Variants in RALYL observed in about 807,000 individuals in gnomAD.
RALYL encodes the protein RALY RNA binding protein like.
Under a neutral mutation model 35.1 loss-of-function variants are expected in RALYL, and 29 were observed. That is an observed-to-expected ratio of 0.83 (90% CI 0.61 to 1.13). RALYL has a LOEUF of 1.13. RALYL is among the 50% of genes most tolerant of loss of function. The pLI, the probability that RALYL is intolerant of heterozygous loss-of-function variation, is 0.00. For missense variants in RALYL, 359 were observed against 360.4 expected (o/e 1.00, Z 0.03); for synonymous variants, 120 against 127.6 (o/e 0.94, Z 0.40).
chr8:84,571,786 T>C (rs572847459), intron 2 of RALYL, among the ~76,000 whole-genome samples: 2 of 151,906 alleles, frequency 1.3e-5, no homozygotes, highest in East Asian at 3.9e-4. Context: ...TTTGTTTTAT[T>C]CCAGAGGTTT....
chr8:84,600,308 G>C (rs755686555), intron 2 of RALYL, among the ~76,000 whole-genome samples: 5 of 151,820 alleles, frequency 3.3e-5, no homozygotes, highest in Non-Finnish European at 1.5e-5. Context: ...CTCTCCAAGG[G>C]CTAAGGTGAA....
At chr8:84,824,008 G>A (rs1483883435) in intron 4 of RALYL, among the ~76,000 whole-genome samples, 1 of 152,044 alleles carries the variant, frequency 6.6e-6, no homozygotes, top group Non-Finnish European at 1.5e-5. Context: ...AGAAATGCTA[G>A]CCAGAGCAAT....
intron 1 of RALYL, among the ~76,000 whole-genome samples, chr8:84,261,774 T>C (rs991872782): frequency 2.6e-5 from 4 of 152,170 alleles, no homozygotes; most frequent in Non-Finnish European, 4.4e-5. Flanking sequence ...GCAAATTTTA[T>C]TTTTAATATG....
chr8:84,900,071 T>A (rs1381795109), intron 8 of RALYL, among the ~76,000 whole-genome samples: 1 of 152,192 alleles, frequency 6.6e-6, no homozygotes, highest in Non-Finnish European at 1.5e-5. Context: ...AGATACACAA[T>A]TTTCAAACAG....
intron 1 of RALYL, among the ~76,000 whole-genome samples, chr8:84,315,721 C>G (rs185818671): frequency 6.3e-4 from 95 of 151,718 alleles, no homozygotes; most frequent in African/African-American, 2.1e-3. Flanking sequence ...AAGCATGTAG[C>G]CCAAGTGCAT....
chr8:84,234,788 G>A (rs1346721588), intron 1 of RALYL, among the ~76,000 whole-genome samples: 1 of 146,808 alleles, frequency 6.8e-6, no homozygotes, highest in African/African-American at 2.5e-5. Context: ...TTTTTGAGAT[G>A]GAGTCTCGCT....
intron 3 of RALYL, among the ~76,000 whole-genome samples, chr8:84,777,804 G>C (rs148271159): frequency 6.6e-6 from 1 of 152,008 alleles, no homozygotes; most frequent in Non-Finnish European, 1.5e-5. Flanking sequence ...ACCACACCTG[G>C]CTAATTTTTT....
intron 1 of RALYL, among the ~76,000 whole-genome samples, chr8:84,418,158 C>A (rs1295660265): frequency 6.6e-6 from 1 of 152,120 alleles, no homozygotes; most frequent in African/African-American, 2.4e-5. Context: ...CATAGGGCAT[C>A]CTCAAACAGC....
chr8:84,715,240 A>T (rs912852103), intron 2 of RALYL, among the ~76,000 whole-genome samples: 1 of 151,910 alleles, frequency 6.6e-6, no homozygotes, highest in African/African-American at 2.4e-5. Flanking sequence ...GCACTGTTTT[A>T]AGCATTTTGT....
intron 2 of RALYL, among the ~76,000 whole-genome samples, chr8:84,569,720 G>A (rs1343927231): frequency 6.6e-6 from 1 of 151,796 alleles, no homozygotes; most frequent in African/African-American, 2.4e-5. Context: ...ATAGTTTTAG[G>A]TCATACATTT....
intron 2 of RALYL, among the ~76,000 whole-genome samples, chr8:84,568,683 C>T (rs1331767639): frequency 1.6e-4 from 21 of 133,432 alleles, no homozygotes; most frequent in African/African-American, 5.7e-4. Flanking sequence ...TAAAAGTGTT[C>T]CTATTTCTCC....
At chr8:84,749,768 A>G (rs1360311593) in intron 2 of RALYL, among the ~76,000 whole-genome samples, 1 of 152,196 alleles carries the variant, frequency 6.6e-6, no homozygotes, top group Non-Finnish European at 1.5e-5. Context: ...TCACTTACAG[A>G]TAGGCAGCAA....
chr8:84,904,282 A>C (rs180914145), intron 8 of RALYL, among the ~76,000 whole-genome samples: 87 of 152,316 alleles, frequency 5.7e-4, no homozygotes, highest in Admixed American at 9.8e-4. Flanking sequence ...TAGATATTGT[A>C]AATAGAGGAC....
chr8:84,423,311 C>A (rs1406790462), intron 1 of RALYL, among the ~76,000 whole-genome samples: 1 of 150,392 alleles, frequency 6.6e-6, no homozygotes, highest in Non-Finnish European at 1.5e-5. Context: ...TAATGGCCTT[C>A]TTTGTCTCTT....
chr8:84,196,196 T>C (rs982916187), intron 1 of RALYL, among the ~76,000 whole-genome samples: 80 of 152,350 alleles, frequency 5.3e-4, no homozygotes, highest in African/African-American at 1.9e-3. Flanking sequence ...GCAATCTTTT[T>C]ATTTCATAAT....
At chr8:84,190,513 G>A (rs1813600352) in intron 1 of RALYL, among the ~76,000 whole-genome samples, 1 of 152,186 alleles carries the variant, frequency 6.6e-6, no homozygotes, top group Non-Finnish European at 1.5e-5. Flanking sequence ...TTGGTCATAA[G>A]TCCTCACGTT....
chr8:84,296,949 A>AC (rs1344075553), intron 1 of RALYL, among the ~76,000 whole-genome samples: 1 of 151,920 alleles, frequency 6.6e-6, no homozygotes, highest in Non-Finnish European at 1.5e-5. Flanking sequence ...TAAGCACCTT[A>AC]AATTCTATAT....
chr8:84,590,989 T>G (rs1813124637), intron 2 of RALYL, among the ~76,000 whole-genome samples: 1 of 152,198 alleles, frequency 6.6e-6, no homozygotes, highest in Non-Finnish European at 1.5e-5. Context: ...ATAACAAATT[T>G]TATAAGATAA....
intron 2 of RALYL, among the ~76,000 whole-genome samples, chr8:84,693,633 T>C (rs1838533110): frequency 6.6e-6 from 1 of 151,932 alleles, no homozygotes. Flanking sequence ...AGCATTACTC[T>C]GATACCAAAG....
Sources: gnomAD v4.1 joint callset for allele counts (sites outside exome capture counted in the v4.1 genomes callset) on GRCh38, gnomAD v4.1.1 for gene constraint, MANE v1.5 for transcripts, NCBI Gene and HGNC (gene_info 2026-07-23, HGNC 2026-07-21) for gene names.